Variants in PVT1 observed in about 807,000 individuals in gnomAD.
PVT1 encodes the protein CXCR4/PVT1 fusion.
rs540326622 is a variant in PVT1 at position 127,795,433 on chromosome 8, A to T, written n.195-461A>T. Among the ~76,000 whole-genome samples the T allele has an allele frequency of 2.0e-5, 3 of 152,310 alleles. No individual in the cohort carries two copies. The East Asian group carries it at 5.8e-4, about 29-fold the overall frequency. On this transcript the variant is annotated intron_variant and non_coding_transcript_variant, in intron 1 of 10. Coordinates refer to ENST00000651587, the Ensembl canonical transcript of PVT1. Reference sequence around the variant, plus strand: ...TGCCTTTTCCTGGTGGTTTGCAGGCATGGAAGATTCTTCTGTTCATCTAAG... The same window carrying T: ...TGCCTTTTCCTGGTGGTTTGCAGGCTTGGAAGATTCTTCTGTTCATCTAAG...
At chr8:128,039,124 T>G (rs1813500208) in intron 4 of PVT1, among the ~76,000 whole-genome samples, 1 of 152,110 alleles carries the variant, frequency 6.6e-6, no homozygotes, top group African/African-American at 2.4e-5. Context: ...TCAAACACCG[T>G]TTCTTCTTTC....
chr8:128,061,111 T>C (rs1383788504), intron 4 of PVT1, among the ~76,000 whole-genome samples: 1 of 152,226 alleles, frequency 6.6e-6, no homozygotes, highest in African/African-American at 2.4e-5. Context: ...GGTTTCGCCA[T>C]GTTGGCGAGG....
intron 2 of PVT1, among the ~76,000 whole-genome samples, chr8:127,857,555 C>G (rs559395736): frequency 6.6e-6 from 1 of 152,156 alleles, no homozygotes; most frequent in East Asian, 1.9e-4. Context: ...GCCTATAGTC[C>G]CAGCTACTCA....
intron 2 of PVT1, among the ~76,000 whole-genome samples, chr8:127,824,830 T>C (rs906261248): frequency 6.6e-6 from 1 of 152,106 alleles, no homozygotes; most frequent in African/African-American, 2.4e-5. Flanking sequence ...ATTAAGAATA[T>C]TTAATGTGGC....
At chr8:127,852,810 C>A (rs1035632648) in intron 2 of PVT1, among the ~76,000 whole-genome samples, 21 of 152,202 alleles carry the variant, frequency 1.4e-4, no homozygotes, top group Admixed American at 5.9e-4. Context: ...TCTGGACACA[C>A]GTTATGACAT....
At chr8:127,811,221 G>C (rs1006781622) in intron 2 of PVT1, among the ~76,000 whole-genome samples, 6 of 152,170 alleles carry the variant, frequency 3.9e-5, no homozygotes, top group Non-Finnish European at 7.3e-5. Context: ...GATAGACCCA[G>C]TGTTGCCAGA....
chr8:128,074,319 A>G (rs1814051476), intron 5 of PVT1, among the ~76,000 whole-genome samples: 1 of 152,174 alleles, frequency 6.6e-6, no homozygotes, highest in Admixed American at 6.6e-5. Flanking sequence ...AGCCTGGCCA[A>G]TATGGTGATA....
At chr8:128,081,208 C>T (rs1271855475) in intron 5 of PVT1, among the ~76,000 whole-genome samples, 1 of 152,156 alleles carries the variant, frequency 6.6e-6, no homozygotes, top group Non-Finnish European at 1.5e-5. Context: ...TCTTCTGCCT[C>T]GCTATAAAAG....
rs192477440 is a variant in PVT1 at position 127,882,607 on chromosome 8, C to T, written n.373-7982C>T. On this transcript the variant is annotated intron_variant and non_coding_transcript_variant, in intron 2 of 10. Transcript: ENST00000651587. The stretch of plus-strand genomic sequence containing the variant: ...CAAGCGATTCTCCTGACTCAGCCTC[C>T]CAGGTAGCTGGGATTACAGGTGCCC... Among the ~76,000 whole-genome samples the T allele has an allele frequency of 2.7e-3, 418 of 152,230 alleles. 1 individual carries two copies. The highest frequency in any genetic ancestry group is 9.7e-3 in the African/African-American group (403 of 41,554).
rs539872663 is a variant in PVT1, at chr8:127,928,802, G to A, written n.782+37804G>A. Among the ~76,000 whole-genome samples the A allele has an allele frequency of 1.1e-4, 16 of 152,316 alleles. No homozygotes were observed. In the South Asian group the frequency reaches 3.3e-3, roughly 32 times the overall value. On this transcript the variant is annotated intron_variant and non_coding_transcript_variant, in intron 3 of 10. Coordinates refer to ENST00000651587, the Ensembl canonical transcript of PVT1. ...AGGGGCTGAGAATAAGCCTGTGTCC[G>A]AGGCAGCCCTCCAAATACAGCAGGG...
At chr8:127,829,555 GT>G (rs1814828155) in intron 2 of PVT1, among the ~76,000 whole-genome samples, 1 of 152,160 alleles carries the variant, frequency 6.6e-6, no homozygotes, top group African/African-American at 2.4e-5. Flanking sequence ...TAAAAAGAGG[GT>G]GGCTGCTCAG....
At chr8:127,886,773 G>C (rs557550989) in intron 2 of PVT1, among the ~76,000 whole-genome samples, 1 of 152,046 alleles carries the variant, frequency 6.6e-6, no homozygotes, top group Non-Finnish European at 1.5e-5. Context: ...CAGAAACTGG[G>C]TCATCTCAGG....
intron 3 of PVT1, among the ~76,000 whole-genome samples, chr8:127,983,276 T>C (rs1278062847): frequency 6.6e-6 from 1 of 152,184 alleles, no homozygotes; most frequent in Non-Finnish European, 1.5e-5. Flanking sequence ...CATTTTTCTT[T>C]CTTCTTCTTG....
At chr8:127,862,923 C>T (rs1815243696) in intron 2 of PVT1, among the ~76,000 whole-genome samples, 1 of 152,086 alleles carries the variant, frequency 6.6e-6, no homozygotes, top group Non-Finnish European at 1.5e-5. Flanking sequence ...GGGTGCCCCA[C>T]AGTAAGTCCC....
intron 2 of PVT1, among the ~76,000 whole-genome samples, chr8:127,878,523 A>G (rs528103087): frequency 4.0e-4 from 61 of 152,160 alleles, no homozygotes; most frequent in Middle Eastern, 6.8e-3. Flanking sequence ...ATTGCTTGAC[A>G]TTGCATCCCT....
intron 2 of PVT1, among the ~76,000 whole-genome samples, chr8:127,822,517 C>T (rs1203274981): frequency 2.0e-5 from 3 of 152,168 alleles, no homozygotes; most frequent in African/African-American, 7.2e-5. Context: ...GTGGAGGTTG[C>T]AGTGAGCTGA....
At chr8:128,069,813 T>C (rs912551247) in intron 4 of PVT1, among the ~76,000 whole-genome samples, 3 of 152,206 alleles carry the variant, frequency 2.0e-5, no homozygotes, top group African/African-American at 4.8e-5. Context: ...GTTCTCTGAC[T>C]GTAAATCTGG....
intron 4 of PVT1, among the ~76,000 whole-genome samples, chr8:128,028,505 C>T (rs1333506756): frequency 1.3e-5 from 2 of 152,232 alleles, no homozygotes; most frequent in Non-Finnish European, 2.9e-5. Flanking sequence ...TCTGAGCTCT[C>T]TGAGGAGAGG....
chr8:127,955,677 A>C (rs1317403943), intron 3 of PVT1, among the ~76,000 whole-genome samples: 1 of 151,452 alleles, frequency 6.6e-6, no homozygotes, highest in Non-Finnish European at 1.5e-5. Context: ...CCACCTCCCA[A>C]GTTCGAGTGA....
Sources: allele counts gnomAD v4.1 joint callset (sites outside exome capture counted in the v4.1 genomes callset), GRCh38; gene constraint gnomAD v4.1.1; transcripts MANE v1.5; gene names NCBI Gene and HGNC (gene_info 2026-07-23, HGNC 2026-07-21).